The following TNRC6A variants were observed in gnomAD, a reference collection of about 807,000 sequenced individuals.
TNRC6A encodes trinucleotide repeat containing adaptor 6A.
TNRC6A carries 44 observed loss-of-function variants against 221.2 expected under a neutral mutation model. That is an observed-to-expected ratio of 0.20 (90% CI 0.16 to 0.26). The LOEUF is 0.26. TNRC6A is among the 10% of genes least tolerant of loss of function. TNRC6A has a pLI of 1.00. For missense variants in TNRC6A, 2,199 were observed against 2,404.4 expected (o/e 0.91, Z 1.79); for synonymous variants, 847 against 838.5 (o/e 1.01, Z -0.18).
At chr16:24,731,998 A>G (rs2056655716) in intron 2 of TNRC6A, among the ~76,000 whole-genome samples, 1 of 152,256 alleles carries the variant, frequency 6.6e-6, no homozygotes, top group Non-Finnish European at 1.5e-5. Flanking sequence ...AAAGACTATC[A>G]TAAATGCATA....
rs374234209 is a variant in TNRC6A, at chr16:24,617,376, A to C, written n.276+6892A>C. Among the ~76,000 whole-genome samples the C allele has an allele frequency of 6.6e-5, 10 of 151,426 alleles. No individual in the cohort carries two copies. The East Asian group carries it at 1.9e-3, about 29-fold the overall frequency. On this transcript the variant is annotated intron_variant and non_coding_transcript_variant, in intron 1 of 2. Coordinates refer to the TNRC6A transcript ENST00000566108. ...ACTCCTGGGCAATCCTCCCACCTCA[A>C]CCTCCCAAAGTGCTGGGGTTACAGG...
chr16:24,748,027 C>G (rs1237362861), intron 2 of TNRC6A, among the ~76,000 whole-genome samples: 1 of 152,108 alleles, frequency 6.6e-6, no homozygotes, highest in Non-Finnish European at 1.5e-5. Context: ...AGTACCTGTG[C>G]TATTTTGACA....
intron 2 of TNRC6A, among the ~76,000 whole-genome samples, chr16:24,652,136 A>C (rs1902706469): frequency 6.6e-6 from 1 of 152,064 alleles, no homozygotes; most frequent in Admixed American, 6.6e-5. Context: ...GGAGAGAGGA[A>C]ACTTAGATGA....
chr16:24,754,164 T>A (rs887773285), intron 3 of TNRC6A, among the ~76,000 whole-genome samples: 4 of 152,186 alleles, frequency 2.6e-5, no homozygotes, highest in South Asian at 2.1e-4. Context: ...GTGGTTTTTT[T>A]AAAATTAACA....
At chr16:24,662,794 A>G (rs374937215) in intron 2 of TNRC6A, 6 of 153,772 alleles carry the variant, frequency 3.9e-5, no homozygotes, top group African/African-American at 1.4e-4. Context: ...TGGTTCTTCA[A>G]TTCTGGCAAT....
chr16:24,777,318 A>G lies in TNRC6A; in HGVS notation c.549A>G (p.Pro183=). Residue 183 remains proline, a synonymous_variant, in exon 5 of 25, where the codon CCA becomes CCG. Coordinates refer to ENST00000395799, the MANE Select transcript of TNRC6A (RefSeq NM_014494.4). ...SESSALTNQQ[P]QNNGEVQNSK... is the part of the protein sequence containing the mutation. Reference sequence around the variant, plus strand: ...GCAGTGCTTTAACAAATCAACAGCCACAAAATAACGGAGAGGTGCAGAACA... The same window carrying G: ...GCAGTGCTTTAACAAATCAACAGCCGCAAAATAACGGAGAGGTGCAGAACA... 2 of 1,613,684 alleles carry G rather than the reference A, an allele frequency of 1.2e-6. No homozygotes were observed. The highest frequency in any genetic ancestry group is 1.7e-6 in the Non-Finnish European group (2 of 1,180,012).
At chr16:24,615,131 T>C (rs1900277513) in intron 1 of TNRC6A, among the ~76,000 whole-genome samples, 1 of 152,042 alleles carries the variant, frequency 6.6e-6, no homozygotes, top group South Asian at 2.1e-4. Flanking sequence ...AGTGGACAGA[T>C]GAGAATAATG....
At position 24,764,330 on chromosome 16, in the gene TNRC6A, C is replaced by CTT. The variant is rs938169376; in HGVS notation, c.163+5983_163+5984dup. 5.2e-3 allele frequency among the ~76,000 whole-genome samples: 742 copies of CTT among 142,038 alleles called. 8 individuals carry two copies. The highest frequency in any genetic ancestry group is 0.018 in the African/African-American group (711 of 38,974). 93.2% of individuals were successfully genotyped at this position (142,038 alleles called of 152,430 possible). A position where few individuals can be genotyped will look rare whatever the true frequency, so the allele number is the denominator to read the frequency against. On this transcript the variant is annotated intron_variant, in intron 4 of 24. Coordinates refer to ENST00000395799, the MANE Select transcript of TNRC6A (RefSeq NM_014494.4). ...TTGCCACAATTTCTTCTTTTCTTTTCTTTTTTTTTTTTTTGAGACAGAGTC... is the reference window on the plus strand; with the variant it reads ...TTGCCACAATTTCTTCTTTTCTTTTCTTTTTTTTTTTTTTTTGAGACAGAGTC...
chr16:24,794,798 GC>G, intron 8 of TNRC6A, 79 bp downstream of exon 8: 2 of 1,430,572 alleles, frequency 1.4e-6, no homozygotes, highest in Non-Finnish European at 1.9e-6. Context: ...CTTTTCGCCT[GC>G]CCATTTCTGG....
chr16:24,739,725 C>T (rs1397460851), intron 2 of TNRC6A, among the ~76,000 whole-genome samples: 9 of 152,090 alleles, frequency 5.9e-5, no homozygotes, highest in South Asian at 2.1e-4. Flanking sequence ...ATGATCCACC[C>T]GCCTCTGCCT....
chr16:24,669,800 A>G (rs142624332), intron 2 of TNRC6A, among the ~76,000 whole-genome samples: 165 of 152,080 alleles, frequency 1.1e-3, no homozygotes, highest in Middle Eastern at 3.4e-3. Flanking sequence ...TAATAGTAAT[A>G]GTAGCACCAA....
chr16:24,819,507 C>CTTTTTTTTTTTTTTTTTT (rs71383722), intron 21 of TNRC6A: 24 of 81,984 alleles, frequency 2.9e-4, no homozygotes, highest in Non-Finnish European at 4.2e-4. Flanking sequence ...CTTTTTCTTT[C>CTTTTTTTTTTTTTTTTTT]TTTTTTTTTT....
chr16:24,760,213 C>T (rs1197577120), intron 4 of TNRC6A, among the ~76,000 whole-genome samples: 2 of 152,142 alleles, frequency 1.3e-5, no homozygotes, highest in Non-Finnish European at 2.9e-5. Flanking sequence ...TCTCAGAGTT[C>T]ATCCTTGAAT....
At chr16:24,685,422 C>T (rs1170328866) in intron 2 of TNRC6A, among the ~76,000 whole-genome samples, 1 of 152,072 alleles carries the variant, frequency 6.6e-6, no homozygotes, top group Non-Finnish European at 1.5e-5. Flanking sequence ...CTGCAACCTC[C>T]GCCTCCCAGG....
rs1555487102 is a variant in TNRC6A at position 24,666,668 on chromosome 16, A to AATATAT, written n.402+25675_402+25680dup. Among the ~76,000 whole-genome samples the AATATAT allele has an allele frequency of 7.6e-3, 497 of 65,078 alleles. 9 individuals are homozygous for AATATAT. The highest frequency in any genetic ancestry group is 0.021 in the East Asian group (39 of 1,866). 42.7% of individuals were successfully genotyped at this position (65,078 alleles called of 152,430 possible). ...AAAAAAAAAAAAAAAAAAAAAAAAAAATATATATATATATATATATACATA... is the reference window on the plus strand; with the variant it reads ...AAAAAAAAAAAAAAAAAAAAAAAAAAATATATATATATATATATATATATATACATA... On this transcript the variant is annotated intron_variant and non_coding_transcript_variant, in intron 2 of 2. Coordinates refer to the TNRC6A transcript ENST00000566108.
At chr16:24,634,137 G>A (rs143550669) in intron 1 of TNRC6A, among the ~76,000 whole-genome samples, 2 of 152,168 alleles carry the variant, frequency 1.3e-5, no homozygotes, top group African/African-American at 4.8e-5. Flanking sequence ...GTGATCATTT[G>A]ATCAATAAAT....
At chr16:24,716,619 C>T (rs1442962531) in intron 2 of TNRC6A, among the ~76,000 whole-genome samples, 1 of 151,972 alleles carries the variant, frequency 6.6e-6, no homozygotes, top group Non-Finnish European at 1.5e-5. Context: ...CTACCATGTT[C>T]ACGCCACTGC....
chr16:24,781,079 G>A (rs572044651), intron 5 of TNRC6A, among the ~76,000 whole-genome samples: 3 of 97,388 alleles, frequency 3.1e-5, no homozygotes, highest in Non-Finnish European at 5.2e-5. Context: ...GGAGGAGACA[G>A]CGTCTTACTT....
At chr16:24,695,239 T>C (rs191539886) in intron 2 of TNRC6A, among the ~76,000 whole-genome samples, 298 of 152,238 alleles carry the variant, frequency 2.0e-3, no homozygotes, top group Non-Finnish European at 3.5e-3. Context: ...GGAAGGAAAC[T>C]GTACTCCAAG....
Sources: allele counts gnomAD v4.1 joint callset (sites outside exome capture counted in the v4.1 genomes callset), GRCh38; gene constraint gnomAD v4.1.1; transcripts MANE v1.5; gene names NCBI Gene and HGNC (gene_info 2026-07-23, HGNC 2026-07-21).